PTCHD1: variants seen among roughly 807,000 people sequenced by gnomAD.
PTCHD1 encodes patched domain-containing protein 1.
A neutral mutation model predicts 34.6 loss-of-function variants in PTCHD1; 3 were observed. That is an observed-to-expected ratio of 0.09 (90% CI 0.04 to 0.22). The LOEUF is 0.22. Ranked by LOEUF, PTCHD1 falls within the 10% of genes least tolerant of loss-of-function variation. The pLI, the probability that PTCHD1 is intolerant of heterozygous loss-of-function variation, is 1.00. For synonymous variants in PTCHD1, 305 were observed against 283.1 expected (o/e 1.08, Z -0.77); for missense variants, 504 against 685.5 (o/e 0.74, Z 2.96).
At position 23,334,992 on chromosome X, in the gene PTCHD1, C is replaced by T. The variant is rs774288630; in HGVS notation, c.117C>T (p.Leu39=). The T allele has an allele frequency of 1.1e-5, 13 of 1,208,418 alleles. No homozygotes were observed. In the South Asian group the frequency reaches 1.8e-4, roughly 16 times the overall value. ...ASAPVLISIL[L]GASFSRYQVE... ...CGCCGGTGCTCATCTCCATCCTGCT[C>T]GGCGCCAGCTTCAGCCGCTACCAGG... The change falls in exon 1 of 3, where the codon CTC becomes CTT. Residue 39 remains leucine, a synonymous_variant. Transcript: ENST00000379361.
intron 2 of PTCHD1, among the ~76,000 whole-genome samples, chrX:23,391,161 C>T (rs1922819008): frequency 9.0e-6 from 1 of 111,371 alleles, no homozygotes. Context: ...GAGTTTAGAA[C>T]ATGAGCATTT....
At chrX:23,353,488 C>G (rs1003210858) in intron 1 of PTCHD1, among the ~76,000 whole-genome samples, 40 of 112,666 alleles carry the variant, frequency 3.6e-4, no homozygotes, top group African/African-American at 1.2e-3. Flanking sequence ...ACGCGGGAGG[C>G]TGAGGCAGGA....
rs958069564 is a variant in PTCHD1 at position 23,396,560 on chromosome X, C to T, written c.*2375C>T. 2.7e-5 allele frequency: 3 copies of T among 112,326 alleles called. No homozygotes were observed. Among genetic ancestry groups the T allele is most frequent in the African/African-American group, 6.5e-5 (2 of 30,802 alleles). 9.3% of individuals were successfully genotyped at this position (112,326 alleles called of 1,213,427 possible). A position where few individuals can be genotyped will look rare whatever the true frequency, so the allele number is the denominator to read the frequency against. ...CAGCTCCACAAAACCTGACACAACA[C>T]ACACACCAATTAAATGGATTTTGTT... On this transcript the variant is annotated 3_prime_UTR_variant, in exon 3 of 3. Coordinates refer to ENST00000379361, the MANE Select transcript of PTCHD1 (RefSeq NM_173495.3).
intron 2 of PTCHD1, among the ~76,000 whole-genome samples, chrX:23,391,086 ATG>A (rs1922818032): frequency 9.0e-6 from 1 of 111,650 alleles, no homozygotes; most frequent in African/African-American, 3.3e-5. Context: ...AAGTAGGGAA[ATG>A]TCTGGCTCCA....
chrX:23,374,294 AAAAAAAAAAAAAAAAC>A (rs1395995282), intron 1 of PTCHD1, among the ~76,000 whole-genome samples: 1 of 97,515 alleles, frequency 1.0e-5, no homozygotes, highest in Non-Finnish European at 2.1e-5. Flanking sequence ...AAAAAAAAAA[AAAAAAAAAAAAAAAAC>A]CCAAAACCCT....
chrX:23,379,524 C>G, intron 1 of PTCHD1, 67 bp from the exon 2 acceptor site: 2 of 1,088,610 alleles, frequency 1.8e-6, no homozygotes, highest in Non-Finnish European at 2.5e-6. Context: ...ACGGAATGTC[C>G]ACCCTCTCCA....
rs978267668 is a variant in PTCHD1 at position 23,399,220 on chromosome X, T to G, written c.*5035T>G. The G allele has an allele frequency of 2.7e-5, 3 of 111,668 alleles. No homozygotes were observed. Among genetic ancestry groups the G allele is most frequent in the Admixed American group, 1.9e-4 (2 of 10,495 alleles). The allele number at this position is 111,668 out of a possible 1,213,427, so 9.2% of individuals were successfully genotyped here. A position where few individuals can be genotyped will look rare whatever the true frequency, so the allele number is the denominator to read the frequency against. On this transcript the variant is annotated 3_prime_UTR_variant, in exon 3 of 3. Transcript: ENST00000379361. ...TGAACCCTCGAGTAATGAAATTATA[T>G]TCACAGAGCTAATTAGAAACAGGAG... is the stretch of plus-strand genomic sequence containing the variant.
intron 1 of PTCHD1, among the ~76,000 whole-genome samples, chrX:23,353,320 C>T (rs1921696442): frequency 8.9e-6 from 1 of 112,743 alleles, no homozygotes; most frequent in Admixed American, 9.3e-5. Context: ...GGCACAGTGG[C>T]TCATGCCTGT....
At position 23,394,302 on chromosome X, in the gene PTCHD1, CAAAAAAAAA is replaced by C. The variant is rs765690048; in HGVS notation, c.*131_*139del. Reference sequence around the variant, plus strand: ...TTTAAAGATAGGAAACAGGCATTGCCAAAAAAAAAAAAAAAAAAAAAAGGAAAGGACAGT... The same window carrying C: ...TTTAAAGATAGGAAACAGGCATTGCCAAAAAAAAAAAAAGGAAAGGACAGT... On this transcript the variant is annotated 3_prime_UTR_variant, in exon 3 of 3. Coordinates refer to ENST00000379361, the MANE Select transcript of PTCHD1 (RefSeq NM_173495.3). The C allele has an allele frequency of 7.6e-5, 4 of 52,409 alleles. No homozygotes were observed. The highest frequency in any genetic ancestry group is 8.5e-4 in the South Asian group (2 of 2,362). The allele number at this position is 52,409 out of a possible 1,213,427, so 4.3% of individuals were successfully genotyped here.
chrX:23,335,468 A>C (rs1256065015), intron 1 of PTCHD1, among the ~76,000 whole-genome samples: 1 of 113,205 alleles, frequency 8.8e-6, no homozygotes, highest in Non-Finnish European at 1.9e-5. Flanking sequence ...CAGCTGCTGC[A>C]ACAGTTGGGG....
intron 1 of PTCHD1, among the ~76,000 whole-genome samples, chrX:23,344,668 T>A: frequency 8.9e-6 from 1 of 111,796 alleles, no homozygotes; most frequent in Non-Finnish European, 1.9e-5. Flanking sequence ...CGGATGGGGA[T>A]GGGTGCATTG....
In PTCHD1 at chrX:23,401,081, G is replaced by A. The variant is rs756537178; in HGVS notation, c.*6896G>A. On this transcript the variant is annotated 3_prime_UTR_variant, in exon 3 of 3. Coordinates refer to ENST00000379361, the MANE Select transcript of PTCHD1 (RefSeq NM_173495.3). ...TGTTTAGTAGAGATGGGGTTTCACC[G>A]TGTTACCCATGATAGTCTCGATCTC... is the stretch of plus-strand genomic sequence containing the variant. The A allele has an allele frequency of 3.7e-5, 4 of 107,703 alleles. No homozygotes were observed. The South Asian group carries it at 1.2e-3, about 33-fold the overall frequency. The allele number at this position is 107,703 out of a possible 1,213,427, so 8.9% of individuals were successfully genotyped here.
intron 1 of PTCHD1, among the ~76,000 whole-genome samples, chrX:23,349,939 G>C (rs1340976350): frequency 9.2e-6 from 1 of 108,600 alleles, no homozygotes; most frequent in Non-Finnish European, 1.9e-5. Flanking sequence ...TGCACCCAAG[G>C]AGCTGTTAAA....
chrX:23,359,771 T>A (rs1353478662), intron 1 of PTCHD1, among the ~76,000 whole-genome samples: 1 of 112,115 alleles, frequency 8.9e-6, no homozygotes, highest in Non-Finnish European at 1.9e-5. Flanking sequence ...TTCAGTATGA[T>A]ATTGGCTGTG....
intron 1 of PTCHD1, among the ~76,000 whole-genome samples, chrX:23,375,515 G>A (rs1922392429): frequency 9.1e-6 from 1 of 110,410 alleles, no homozygotes; most frequent in African/African-American, 3.3e-5. Flanking sequence ...TCCTGACCTC[G>A]TGATCCGCCC....
chrX:23,383,200 G>A (rs1193675679), intron 2 of PTCHD1, among the ~76,000 whole-genome samples: 1 of 112,037 alleles, frequency 8.9e-6, no homozygotes, highest in African/African-American at 3.2e-5. Context: ...AGCAAAACTT[G>A]ATTTAGTATG....
intron 1 of PTCHD1, among the ~76,000 whole-genome samples, chrX:23,360,522 AT>A (rs1921948949): frequency 9.0e-6 from 1 of 110,813 alleles, no homozygotes; most frequent in Non-Finnish European, 1.9e-5. Context: ...TAATGTGTCT[AT>A]TTGATTCTTC....
chrX:23,388,755 C>T (rs1315605982), intron 2 of PTCHD1, among the ~76,000 whole-genome samples: 2 of 110,923 alleles, frequency 1.8e-5, no homozygotes, highest in African/African-American at 6.6e-5. Flanking sequence ...CGCTGGAACC[C>T]GGGAGGCCGA....
At chrX:23,368,861 G>A (rs950796188) in intron 1 of PTCHD1, among the ~76,000 whole-genome samples, 1 of 110,924 alleles carries the variant, frequency 9.0e-6, no homozygotes, top group East Asian at 2.8e-4. Context: ...TCAGGAGTTC[G>A]AGACCATCCT....
Sources: allele counts gnomAD v4.1 joint callset (sites outside exome capture counted in the v4.1 genomes callset), GRCh38; gene constraint gnomAD v4.1.1; transcripts MANE v1.5; gene names NCBI Gene and HGNC (gene_info 2026-07-23, HGNC 2026-07-21).